The following MSH4 variants were observed in gnomAD, a reference collection of about 807,000 sequenced individuals.
MSH4 encodes the protein mutS homolog 4.
MSH4 carries 106 observed loss-of-function variants against 113.7 expected under a neutral mutation model. That is an observed-to-expected ratio of 0.93 (90% CI 0.80 to 1.10). MSH4 has a LOEUF of 1.10. Among genes scored for constraint, MSH4 ranks in the 50% least tolerant of loss-of-function variants. The pLI is 0.00. For missense variants in MSH4, 1,061 were observed against 1,093.7 expected (o/e 0.97, Z 0.42); for synonymous variants, 368 against 380.2 (o/e 0.97, Z 0.37).
chr1:75,912,188 G>A (rs1213185962), intron 19 of MSH4, among the ~76,000 whole-genome samples: 3 of 152,016 alleles, frequency 2.0e-5, no homozygotes, highest in South Asian at 2.1e-4. Flanking sequence ...TCTCTTTAGG[G>A]GCAAGCAATT....
chr1:75,797,545 G>C (rs1649844282), intron 1 of MSH4, among the ~76,000 whole-genome samples: 1 of 152,172 alleles, frequency 6.6e-6, no homozygotes, highest in East Asian at 1.9e-4. Context: ...GCTGATCTTT[G>C]GCTGCTGAAT....
chr1:75,898,893 G>A (rs751986163), intron 18 of MSH4, among the ~76,000 whole-genome samples: 3 of 152,100 alleles, frequency 2.0e-5, no homozygotes, highest in African/African-American at 4.8e-5. Context: ...TAAAATTTAT[G>A]AGCCTCAATT....
intron 6 of MSH4, among the ~76,000 whole-genome samples, chr1:75,819,857 C>G (rs1339349180): frequency 6.6e-6 from 1 of 152,012 alleles, no homozygotes; most frequent in African/African-American, 2.4e-5. Context: ...ATTACAGGTG[C>G]CTGCCACTAT....
chr1:75,892,112 A>G (rs1039687984), intron 17 of MSH4, among the ~76,000 whole-genome samples: 1 of 152,160 alleles, frequency 6.6e-6, no homozygotes, highest in Non-Finnish European at 1.5e-5. Flanking sequence ...GCCTGAATAG[A>G]ACAAAAAGCC....
intron 7 of MSH4, among the ~76,000 whole-genome samples, chr1:75,823,815 T>C (rs1650483887): frequency 6.6e-6 from 1 of 152,202 alleles, no homozygotes; most frequent in African/African-American, 2.4e-5. Flanking sequence ...CTCATTCTTT[T>C]TAATGGCTGC....
intron 4 of MSH4, among the ~76,000 whole-genome samples, chr1:75,811,417 C>A (rs942529254): frequency 2.0e-5 from 3 of 151,944 alleles, no homozygotes; most frequent in South Asian, 2.1e-4. Flanking sequence ...AGGGGCAGAC[C>A]CATAGAGAAA....
At chr1:75,904,320 T>G (rs1326132186) in intron 19 of MSH4, among the ~76,000 whole-genome samples, 1 of 152,050 alleles carries the variant, frequency 6.6e-6, no homozygotes, top group East Asian at 1.9e-4. Context: ...GGCCTGTAGT[T>G]TTCTTTATTT....
At chr1:75,820,564 A>G (rs1382406069) in intron 6 of MSH4, among the ~76,000 whole-genome samples, 1 of 152,208 alleles carries the variant, frequency 6.6e-6, no homozygotes, top group African/African-American at 2.4e-5. Flanking sequence ...GTATGTCTCC[A>G]GGAATTTATC....
At chr1:75,833,388 C>G (rs1239553269) in intron 7 of MSH4, among the ~76,000 whole-genome samples, 1 of 152,148 alleles carries the variant, frequency 6.6e-6, no homozygotes, top group African/African-American at 2.4e-5. Flanking sequence ...TCAGTGCCAT[C>G]CCCTTCAAGC....
At chr1:75,809,248 T>C (rs1481334092) in intron 3 of MSH4, among the ~76,000 whole-genome samples, 1 of 152,144 alleles carries the variant, frequency 6.6e-6, no homozygotes, top group Non-Finnish European at 1.5e-5. Flanking sequence ...TGTGATCTAG[T>C]GTTTTATTTC....
At chr1:75,886,835 TATATTA>T (rs1652134106) in intron 15 of MSH4, among the ~76,000 whole-genome samples, 2 of 10,326 alleles carry the variant, frequency 1.9e-4, no homozygotes, top group South Asian at 0.031. Flanking sequence ...CATATATATA[TATATTA>T]TATATATATA....
rs1442105862 is a variant in MSH4 at position 75,822,552 on chromosome 1, A to G, written c.1133A>G (p.Asp378Gly). The change falls in exon 7 of 20, where the codon GAT becomes GGT. Residue 378 changes from aspartate to glycine, a missense_variant. By Grantham distance (94) the Asp-to-Gly change is moderately conservative (BLOSUM62 -1). Coordinates refer to ENST00000263187, the MANE Select transcript of MSH4 (RefSeq NM_002440.4). ...RLDCVQELLQ[D>G]EELFFGLQSV... ...GATTGTGTTCAAGAACTACTTCAAG[A>G]TGAGGAACTATTTTTTGGACTTCAA... is the stretch of plus-strand genomic sequence containing the variant. 1.3e-6 allele frequency: 2 copies of G among 1,538,280 alleles called. No homozygotes were observed. Among genetic ancestry groups the G allele is most frequent in the Middle Eastern group, 1.9e-4 (1 of 5,272 alleles).
intron 7 of MSH4, among the ~76,000 whole-genome samples, chr1:75,844,395 TG>T (rs1418184285): frequency 6.6e-6 from 1 of 152,168 alleles, no homozygotes; most frequent in African/African-American, 2.4e-5. Flanking sequence ...GGCACAATCT[TG>T]GCTCACTGCA....
intron 7 of MSH4, among the ~76,000 whole-genome samples, chr1:75,845,648 C>T (rs1353329798): frequency 2.6e-5 from 4 of 152,158 alleles, no homozygotes; most frequent in Non-Finnish European, 5.9e-5. Flanking sequence ...GGTTTGCAGT[C>T]TCATGCCCAT....
intron 15 of MSH4, among the ~76,000 whole-genome samples, chr1:75,888,661 T>C (rs1652182110): frequency 6.6e-6 from 1 of 152,014 alleles, no homozygotes; most frequent in Admixed American, 6.6e-5. Flanking sequence ...ATTTAAGAGA[T>C]ACATAGTGAT....
At chr1:75,834,485 G>A (rs907769522) in intron 7 of MSH4, among the ~76,000 whole-genome samples, 2 of 152,212 alleles carry the variant, frequency 1.3e-5, no homozygotes, top group African/African-American at 4.8e-5. Context: ...GCACACATAT[G>A]TTTATTGTGG....
chr1:75,884,989 G>A (rs200103608), intron 15 of MSH4, among the ~76,000 whole-genome samples: 2,788 of 77,070 alleles, frequency 0.036, 108 homozygotes, highest in African/African-American at 0.11. Flanking sequence ...GTATATATAT[G>A]TGTATATATA....
Position 75,883,624 on chromosome 1 carries a change from G to A in MSH4, c.1910G>A (p.Arg637Gln), listed in dbSNP as rs768565106. 20 of 1,601,600 alleles carry A rather than the reference G, an allele frequency of 1.2e-5. No individual in the cohort carries two copies. Among genetic ancestry groups the A allele is most frequent in the African/African-American group, 2.7e-5 (2 of 73,966 alleles). ...CCATTCTATTTTTTTTCTTAAGTTC[G>A]ACCAGAATTTACTGATACTTTAGCA... ...AHACTLSDYV[R>Q]PEFTDTLAIK... is the part of the protein sequence containing the mutation. Residue 637 changes from arginine to glutamine, a missense_variant, in exon 15 of 20, where the codon CGA (arginine) becomes CAA (glutamine). By Grantham distance (43) the Arg-to-Gln change is conservative. Coordinates refer to ENST00000263187, the MANE Select transcript of MSH4 (RefSeq NM_002440.4).
Position 75,815,061 on chromosome 1 carries a change from A to C in MSH4, c.740A>C (p.Glu247Ala), listed in dbSNP as rs370009993. ...ACTATCCAAAGGAAATACTTCAATG[A>C]AACAAAAGGATTAGAGTACATTGAA... ...FTTIQRKYFN[E>A]TKGLEYIEQL... Residue 247 changes from glutamate (E) to alanine (A), a missense_variant, in exon 5 of 20, where the codon GAA becomes GCA. Physicochemically the swap from Glu to Ala is moderately radical, Grantham distance 107 (BLOSUM62 -1). Coordinates refer to ENST00000263187, the MANE Select transcript of MSH4 (RefSeq NM_002440.4). 10 of 1,605,062 alleles carry C rather than the reference A, an allele frequency of 6.2e-6. No individual in the cohort carries two copies. The African/African-American group carries it at 1.3e-4, about 21-fold the overall frequency.
Sources: gnomAD v4.1 joint callset for allele counts (sites outside exome capture counted in the v4.1 genomes callset) on GRCh38, gnomAD v4.1.1 for gene constraint, MANE v1.5 for transcripts, NCBI Gene and HGNC (gene_info 2026-07-23, HGNC 2026-07-21) for gene names.